Variants in CFAP54 observed in about 807,000 individuals in gnomAD.
The protein encoded by CFAP54 is cilia- and flagella-associated protein 54.
Under a neutral mutation model 370.4 loss-of-function variants are expected in CFAP54, and 290 were observed. The ratio of observed to expected loss-of-function variants is 0.78; its 90% CI spans 0.71 to 0.86. The LOEUF is 0.86. Ranked by LOEUF, CFAP54 falls within the 40% of genes least tolerant of loss-of-function variation. The pLI, the probability that CFAP54 is intolerant of heterozygous loss-of-function variation, is 0.00. For synonymous variants in CFAP54, 1,206 were observed against 1,236.5 expected (o/e 0.98, Z 0.52); for missense variants, 3,399 against 3,528.7 (o/e 0.96, Z 0.93).
chr12:96,529,384 G>A (rs1415125578), intron 9 of CFAP54, among the ~76,000 whole-genome samples: 2 of 152,098 alleles, frequency 1.3e-5, no homozygotes, highest in African/African-American at 4.8e-5. Flanking sequence ...ATTTCTGTTG[G>A]TGTGGAATTG....
intron 35 of CFAP54, 73 bp from the exon 36 acceptor site, chr12:96,651,514 GA>G: frequency 2.5e-6 from 3 of 1,215,832 alleles, no homozygotes; most frequent in Non-Finnish European, 3.5e-6. Flanking sequence ...ATAATATTTG[GA>G]AAAAGATGAA....
At chr12:96,863,620 A>G in intron 67 of CFAP54, among the ~76,000 whole-genome samples, 1 of 152,160 alleles carries the variant, frequency 6.6e-6, no homozygotes, top group East Asian at 1.9e-4. Context: ...GTTCAAGCTA[A>G]AACTGGGACA....
chr12:96,737,178 G>T (rs924467975), intron 50 of CFAP54, among the ~76,000 whole-genome samples: 1 of 152,028 alleles, frequency 6.6e-6, no homozygotes, highest in Non-Finnish European at 1.5e-5. Flanking sequence ...GAAATGCCCC[G>T]ACAAGCATTT....
chr12:96,856,173 G>C (rs1007829115), intron 66 of CFAP54, among the ~76,000 whole-genome samples: 1 of 152,152 alleles, frequency 6.6e-6, no homozygotes, highest in Non-Finnish European at 1.5e-5. Context: ...GCACACAGGA[G>C]GGGCCATCCT....
chr12:96,737,231 G>T (rs1957989437), intron 50 of CFAP54, among the ~76,000 whole-genome samples: 2 of 152,028 alleles, frequency 1.3e-5, no homozygotes, highest in Non-Finnish European at 2.9e-5. Flanking sequence ...AGATTTTGAA[G>T]AATTTTGGAT....
chr12:96,756,497 C>A lies in CFAP54; in HGVS notation c.7880C>A (p.Pro2627Gln). Residue 2627 changes from proline to glutamine, a missense_variant, in exon 57 of 68, where the codon CCA (proline) becomes CAA (glutamine). By Grantham distance (76) the Pro-to-Gln change is moderately conservative (BLOSUM62 -1). This residue lies in a region of CFAP54 where 2,796 missense variants were observed against 2,869.7 expected (regional missense o/e 0.97). Transcript: ENST00000524981. The stretch of plus-strand genomic sequence containing the variant: ...CAAATACTAATGGAAGAGAAATCTC[C>A]AAGTTTTCAACTTGAGAGTTTATAT... ...ERQILMEEKS[P>Q]SFQLESLYEA... The A allele has an allele frequency of 1.2e-6, 2 of 1,603,198 alleles. No homozygotes were observed. The highest frequency in any genetic ancestry group is 2.2e-5 in the South Asian group (2 of 89,382).
intron 36 of CFAP54, among the ~76,000 whole-genome samples, chr12:96,653,138 C>T (rs569859299): frequency 6.8e-4 from 104 of 152,298 alleles, no homozygotes; most frequent in African/African-American, 2.5e-3. Context: ...CTTCACTAGG[C>T]TGTTCCTGAG....
intron 67 of CFAP54, among the ~76,000 whole-genome samples, chr12:96,866,912 A>G (rs531029375): frequency 6.6e-6 from 1 of 152,222 alleles, no homozygotes; most frequent in Non-Finnish European, 1.5e-5. Context: ...AACTGTTTAT[A>G]TTCCCTAAGT....
intron 45 of CFAP54, among the ~76,000 whole-genome samples, chr12:96,694,224 T>G (rs1481811636): frequency 6.6e-6 from 1 of 152,220 alleles, no homozygotes; most frequent in Non-Finnish European, 1.5e-5. Flanking sequence ...ATCAGATAGA[T>G]GCTAAATTAC....
At chr12:96,601,703 G>A (rs1956244642) in intron 26 of CFAP54, among the ~76,000 whole-genome samples, 1 of 152,140 alleles carries the variant, frequency 6.6e-6, no homozygotes, top group Non-Finnish European at 1.5e-5. Context: ...ATGTGTCCAG[G>A]AATTTATCCA....
chr12:96,503,752 G>T, intron 2 of CFAP54, 134 bp from the exon 3 acceptor site: 1 of 761,956 alleles, frequency 1.3e-6, no homozygotes, highest in South Asian at 2.4e-5. Flanking sequence ...TATGTTTTTG[G>T]AAAATGGAGC....
chr12:96,579,330 G>A (rs1295877518), intron 20 of CFAP54, among the ~76,000 whole-genome samples: 1 of 152,040 alleles, frequency 6.6e-6, no homozygotes, highest in Non-Finnish European at 1.5e-5. Context: ...ACAAAGATGC[G>A]GAAACTTGCA....
intron 19 of CFAP54, among the ~76,000 whole-genome samples, chr12:96,573,713 T>C (rs7136411): frequency 0.94 from 143,761 of 152,310 alleles, 67,890 homozygotes; most frequent in East Asian, 1. Flanking sequence ...AGATGTCATC[T>C]TATCTCCTTG....
Position 96,533,946 on chromosome 12 carries a change from T to C in CFAP54, c.1512T>C (p.Ser504=), listed in dbSNP as rs754081491. 3 of 1,525,136 alleles carry C rather than the reference T, an allele frequency of 2.0e-6. No individual in the cohort carries two copies. 94.5% of individuals were successfully genotyped at this position (1,525,136 alleles called of 1,614,324 possible). A position where few individuals can be genotyped will look rare whatever the true frequency, so the allele number is the denominator to read the frequency against. The part of the protein sequence containing the change: ...TYEEWSLFES[S]AVHLIYFLQR... The stretch of plus-strand genomic sequence containing the variant: ...AGGAGTGGAGTTTATTTGAATCTTC[T>C]GCTGTACATCTTATTTATTTTCTCC... The change falls in exon 10 of 68, where the codon TCT becomes TCC. Residue 504 remains serine (S), a synonymous_variant. Coordinates refer to ENST00000524981, the MANE Select transcript of CFAP54 (RefSeq NM_001306084.2).
intron 40 of CFAP54, among the ~76,000 whole-genome samples, chr12:96,682,527 C>T (rs1276683980): frequency 1.3e-5 from 2 of 152,052 alleles, no homozygotes; most frequent in Admixed American, 6.6e-5. Context: ...AGGCTCACAC[C>T]ACCACACCTG....
chr12:96,665,646 T>C (rs1483854578), intron 39 of CFAP54, among the ~76,000 whole-genome samples: 3 of 152,252 alleles, frequency 2.0e-5, no homozygotes, highest in African/African-American at 7.2e-5. Flanking sequence ...CAGTCTTATT[T>C]CTCAGCTCTC....
At chr12:96,867,423 A>C (rs1192821288) in intron 67 of CFAP54, among the ~76,000 whole-genome samples, 3 of 152,328 alleles carry the variant, frequency 2.0e-5, no homozygotes, top group Middle Eastern at 3.4e-3. Context: ...AAGGAAATGA[A>C]ATCAACATGT....
intron 26 of CFAP54, among the ~76,000 whole-genome samples, chr12:96,615,745 A>C (rs1423953100): frequency 2.6e-5 from 4 of 152,274 alleles, no homozygotes; most frequent in Non-Finnish European, 5.9e-5. Flanking sequence ...CTATGCAGCC[A>C]AAAGACACAT....
In CFAP54 at chr12:96,643,894, A is replaced by T. The variant is rs527324583; in HGVS notation, c.4317-284A>T. Among the ~76,000 whole-genome samples the T allele has an allele frequency of 2.0e-5, 3 of 152,306 alleles. No homozygotes were observed. The South Asian group carries it at 6.2e-4, about 32-fold the overall frequency. On this transcript the variant is annotated intron_variant, in intron 32 of 67. Coordinates refer to ENST00000524981, the MANE Select transcript of CFAP54 (RefSeq NM_001306084.2). ...GTCTAATCTCAGTAGCCTTTTGGTT[A>T]TGAAAAATAAAAGCTCTGGTTGGTT...
Sources: allele counts gnomAD v4.1 joint callset (sites outside exome capture counted in the v4.1 genomes callset), GRCh38; gene constraint gnomAD v4.1.1; regional missense constraint gnomAD v4.1.1; transcripts MANE v1.5; gene names NCBI Gene and HGNC (gene_info 2026-07-23, HGNC 2026-07-21).